Variants in IRF2 observed in about 807,000 individuals in gnomAD.
IRF2 encodes the protein interferon regulatory factor 2.
Under a neutral mutation model 40.6 loss-of-function variants are expected in IRF2, and 15 were observed. The observed-to-expected ratio is 0.37, with a 90% CI of 0.25 to 0.57. The LOEUF (loss-of-function observed/expected upper bound fraction) is 0.57, where lower values mean the gene tolerates loss of function less well. Ranked by LOEUF, IRF2 falls within the 20% of genes least tolerant of loss-of-function variation. The pLI, the probability that IRF2 is intolerant of heterozygous loss-of-function variation, is 0.77. For missense variants in IRF2, 317 were observed against 455.7 expected, an observed-to-expected ratio of 0.70 and a Z score of 2.77; for synonymous variants, 151 against 165.5, an observed-to-expected ratio of 0.91 and a Z score of 0.67.
intron 1 of IRF2, among the ~76,000 whole-genome samples, chr4:184,468,835 G>A (rs1311346612): frequency 6.6e-6 from 1 of 152,144 alleles, no homozygotes; most frequent in African/African-American, 2.4e-5. Flanking sequence ...AAAAGGTCCC[G>A]TGTAATTTCT....
intron 1 of IRF2, among the ~76,000 whole-genome samples, chr4:184,446,504 C>T (rs1738514272): frequency 1.3e-5 from 2 of 152,166 alleles, no homozygotes; most frequent in Admixed American, 6.5e-5. Context: ...CATAAGACCA[C>T]ATACACACAG....
chr4:184,415,305 T>C (rs536240867), intron 5 of IRF2, among the ~76,000 whole-genome samples: 26 of 152,300 alleles, frequency 1.7e-4, no homozygotes, highest in African/African-American at 5.8e-4. Context: ...GCACAAGGAT[T>C]TCATAAAACA....
intron 5 of IRF2, among the ~76,000 whole-genome samples, chr4:184,415,818 A>T (rs956784114): frequency 1.3e-5 from 2 of 152,248 alleles, no homozygotes; most frequent in Non-Finnish European, 2.9e-5. Context: ...TTATTTATAC[A>T]TCTATTTAGT....
intron 1 of IRF2, among the ~76,000 whole-genome samples, chr4:184,439,451 C>G (rs1281589276): frequency 1.9e-4 from 29 of 150,662 alleles, no homozygotes; most frequent in Non-Finnish European, 1.5e-5. Context: ...GTATGAAAAT[C>G]ACTGTTATTT....
chr4:184,420,697 G>C (rs1221159344), intron 2 of IRF2, among the ~76,000 whole-genome samples: 1 of 152,130 alleles, frequency 6.6e-6, no homozygotes, highest in Admixed American at 6.5e-5. Flanking sequence ...TGGCGGTACC[G>C]GCAGGTACTA....
At chr4:184,426,092 T>G (rs1276837570) in intron 2 of IRF2, among the ~76,000 whole-genome samples, 1 of 152,086 alleles carries the variant, frequency 6.6e-6, no homozygotes, top group African/African-American at 2.4e-5. Flanking sequence ...CCTCCACCAC[T>G]GCAACCTCAA....
chr4:184,454,443 AAG>A (rs1738836891), intron 1 of IRF2, among the ~76,000 whole-genome samples: 1 of 152,216 alleles, frequency 6.6e-6, no homozygotes, highest in African/African-American at 2.4e-5. Context: ...CAACTGGAAA[AAG>A]AGCCAAAATT....
intron 1 of IRF2, among the ~76,000 whole-genome samples, chr4:184,454,093 T>G (rs1358792009): frequency 6.6e-6 from 1 of 152,196 alleles, no homozygotes; most frequent in Non-Finnish European, 1.5e-5. Context: ...TAACCTGTTC[T>G]GAAAGGTTGA....
At chr4:184,410,272 G>A (rs1298180852) in intron 5 of IRF2, among the ~76,000 whole-genome samples, 2 of 152,206 alleles carry the variant, frequency 1.3e-5, no homozygotes, top group African/African-American at 2.4e-5. Context: ...TAGGACCCAC[G>A]TCATAGGGAT....
intron 1 of IRF2, among the ~76,000 whole-genome samples, chr4:184,450,967 G>A (rs183908013): frequency 1.0e-3 from 153 of 152,130 alleles, no homozygotes; most frequent in African/African-American, 3.5e-3. Flanking sequence ...GGTGCAAACC[G>A]AAAAGACTAA....
chr4:184,393,809 C>T (rs1385316487), intron 7 of IRF2, among the ~76,000 whole-genome samples: 2 of 152,092 alleles, frequency 1.3e-5, no homozygotes, highest in Non-Finnish European at 2.9e-5. Context: ...CCTGAACCTC[C>T]CCCTGAGGGG....
intron 5 of IRF2, among the ~76,000 whole-genome samples, chr4:184,414,069 G>A (rs776048870): frequency 1.3e-5 from 2 of 152,196 alleles, no homozygotes; most frequent in Non-Finnish European, 2.9e-5. Context: ...TGCAGCCTTG[G>A]GAAAATGAAT....
chr4:184,420,168 C>T (rs1056553618), intron 2 of IRF2, among the ~76,000 whole-genome samples: 15 of 152,306 alleles, frequency 9.8e-5, no homozygotes, highest in African/African-American at 3.6e-4. Flanking sequence ...ACACCCGGCC[C>T]TGTGCCTCTT....
chr4:184,396,426 ATTTTT>A (rs59546735), intron 7 of IRF2, among the ~76,000 whole-genome samples: 2 of 139,656 alleles, frequency 1.4e-5, no homozygotes, highest in East Asian at 4.0e-4. Flanking sequence ...ATATATATAT[ATTTTT>A]TTTTCTTTTT....
intron 1 of IRF2, among the ~76,000 whole-genome samples, chr4:184,442,444 C>G (rs1229532651): frequency 6.6e-6 from 1 of 152,202 alleles, no homozygotes; most frequent in East Asian, 1.9e-4. Context: ...GCAGGGCCAC[C>G]TGGGTGCTTC....
In IRF2 at chr4:184,435,045, T is replaced by C. The variant is rs533910934; in HGVS notation, c.-6-5975A>G. Among the ~76,000 whole-genome samples the C allele has an allele frequency of 2.0e-5, 3 of 152,278 alleles. No individual in the cohort carries two copies. The East Asian group carries it at 5.8e-4, about 29-fold the overall frequency. On this transcript the variant is annotated intron_variant, in intron 1 of 8. Coordinates refer to ENST00000393593, the MANE Select transcript of IRF2 (RefSeq NM_002199.4). ...GCCTGGGTGGCAGAAAGACAGCCCC[T>C]CTCTAAAAATAGAAAATAAAAAACC... is the stretch of plus-strand genomic sequence containing the variant.
chr4:184,450,122 G>A (rs2149912642), intron 1 of IRF2, among the ~76,000 whole-genome samples: 1 of 152,308 alleles, frequency 6.6e-6, no homozygotes, highest in South Asian at 2.1e-4. Flanking sequence ...AAACACCCCG[G>A]AAAGTAATTA....
chr4:184,422,406 C>T (rs1737515153), intron 2 of IRF2, among the ~76,000 whole-genome samples: 1 of 152,148 alleles, frequency 6.6e-6, no homozygotes, highest in Non-Finnish European at 1.5e-5. Flanking sequence ...CACAGAATTA[C>T]CTGATGATCC....
At chr4:184,454,370 A>G (rs1159248692) in intron 1 of IRF2, among the ~76,000 whole-genome samples, 1 of 152,190 alleles carries the variant, frequency 6.6e-6, no homozygotes, top group Non-Finnish European at 1.5e-5. Flanking sequence ...AAACTTACGC[A>G]CTACAGTTTC....
Sources: allele counts gnomAD v4.1 joint callset (sites outside exome capture counted in the v4.1 genomes callset), GRCh38; gene constraint gnomAD v4.1.1; transcripts MANE v1.5; gene names NCBI Gene and HGNC (gene_info 2026-07-23, HGNC 2026-07-21).